SIRT1: variants seen among roughly 807,000 people sequenced by gnomAD.
SIRT1 encodes the protein NAD-dependent protein deacetylase sirtuin-1.
Under a neutral mutation model 67.9 loss-of-function variants are expected in SIRT1, and 24 were observed. The observed-to-expected ratio is 0.35, with a 90% CI of 0.26 to 0.50. SIRT1 has a LOEUF of 0.50. Ranked by LOEUF, SIRT1 falls within the 20% of genes least tolerant of loss-of-function variation. The pLI is 0.98. For missense variants in SIRT1, 873 were observed against 937.2 expected (o/e 0.93, Z 0.89); for synonymous variants, 378 against 350.7 (o/e 1.08, Z -0.87).
chr10:67,911,227 G>T (rs1842894196), intron 7 of SIRT1, among the ~76,000 whole-genome samples: 1 of 152,176 alleles, frequency 6.6e-6, no homozygotes, highest in Non-Finnish European at 1.5e-5. Context: ...CGGGTGTCTT[G>T]CTGTAGCTCA....
At chr10:67,903,385 ATAGT>A (rs1398853856) in intron 4 of SIRT1, among the ~76,000 whole-genome samples, 1 of 113,328 alleles carries the variant, frequency 8.8e-6, no homozygotes, top group Non-Finnish European at 1.9e-5. Flanking sequence ...ATTTCTGCAG[ATAGT>A]TCTTTTTTTT....
intron 6 of SIRT1, among the ~76,000 whole-genome samples, chr10:67,908,395 T>A (rs1842851624): frequency 6.6e-6 from 1 of 152,204 alleles, no homozygotes; most frequent in Non-Finnish European, 1.5e-5. Context: ...AAGTTGTTGT[T>A]GTAGTAGTTT....
chr10:67,890,724 C>T (rs1441388523), intron 3 of SIRT1, among the ~76,000 whole-genome samples: 1 of 151,254 alleles, frequency 6.6e-6, no homozygotes, highest in Non-Finnish European at 1.5e-5. Flanking sequence ...CAGAGCGAAA[C>T]TGTCTAAAAA....
Position 67,885,148 on chromosome 10 carries a change from C to G in SIRT1, c.427C>G (p.Arg143Gly). The change falls in exon 1 of 9, where the codon CGA becomes GGA. Residue 143 changes from arginine to glycine, a missense_variant. Coordinates refer to ENST00000212015, the MANE Select transcript of SIRT1 (RefSeq NM_012238.5). ...GGCGGCGGCGGCGGCGATTGGGTAC[C>G]GAGGTGCGCAGGGTGCGGGCGGCCG... ...EEAAAAAIGY[R>G]DNLLFGDEII... 1 of 1,405,090 alleles carries G rather than the reference C, an allele frequency of 7.1e-7. No homozygotes were observed. The highest frequency in any genetic ancestry group is 9.3e-7 in the Non-Finnish European group (1 of 1,071,890). 87.0% of individuals were successfully genotyped at this position (1,405,090 alleles called of 1,614,324 possible). A position where few individuals can be genotyped will look rare whatever the true frequency, so the allele number is the denominator to read the frequency against.
chr10:67,905,798 G>A (rs901204314), intron 4 of SIRT1, among the ~76,000 whole-genome samples: 1 of 152,092 alleles, frequency 6.6e-6, no homozygotes, highest in Admixed American at 6.5e-5. Flanking sequence ...CTTTTTTCAC[G>A]TATGTCATGA....
rs199595233 is a variant in SIRT1 at position 67,917,286 on chromosome 10, T to C, written c.*693T>C. 3 of 152,774 alleles carry C rather than the reference T, an allele frequency of 2.0e-5. No homozygotes were observed. The South Asian group carries it at 6.2e-4, about 32-fold the overall frequency. The allele number at this position is 152,774 out of a possible 1,614,324, so 9.5% of individuals were successfully genotyped here. On this transcript the variant is annotated 3_prime_UTR_variant, in exon 9 of 9. Coordinates refer to ENST00000212015, the MANE Select transcript of SIRT1 (RefSeq NM_012238.5). ...GTTCAAATGAAGATGGCTTTTGTACTTCCTGTGGACATGTAGCAATGTCTA... is the reference window on the plus strand; with the variant it reads ...GTTCAAATGAAGATGGCTTTTGTACCTCCTGTGGACATGTAGCAATGTCTA...
chr10:67,913,561 G>A (rs181556252), intron 8 of SIRT1, among the ~76,000 whole-genome samples: 26 of 152,206 alleles, frequency 1.7e-4, no homozygotes, highest in South Asian at 6.2e-4. Context: ...GAAAAAACAC[G>A]CGTGATTCTT....
chr10:67,897,016 C>T (rs1363959237), intron 4 of SIRT1, among the ~76,000 whole-genome samples: 2 of 151,800 alleles, frequency 1.3e-5, no homozygotes, highest in African/African-American at 2.4e-5. Context: ...AATAGCCAGA[C>T]GTGGTGGTGC....
At chr10:67,890,384 ATTG>A (rs1468356131) in intron 3 of SIRT1, among the ~76,000 whole-genome samples, 6 of 152,052 alleles carry the variant, frequency 3.9e-5, no homozygotes, top group Middle Eastern at 3.4e-3. Context: ...AAAATAGAGA[ATTG>A]TTGTAGTATT....
intron 4 of SIRT1, among the ~76,000 whole-genome samples, chr10:67,892,387 A>G (rs1006212349): frequency 6.6e-6 from 1 of 152,090 alleles, no homozygotes; most frequent in African/African-American, 2.4e-5. Flanking sequence ...CCTGAGCAAC[A>G]TAATGAGACT....
At chr10:67,887,316 G>A (rs1842498781) in intron 1 of SIRT1, 101 bp from the exon 2 acceptor site, 1 of 750,620 alleles carries the variant, frequency 1.3e-6, no homozygotes, top group Non-Finnish European at 2.4e-6. Context: ...CCGTGTAAAT[G>A]TTAAATGCTG....
In SIRT1 at chr10:67,900,944, T is replaced by C. The variant is rs563653022; in HGVS notation, c.943-5846T>C. ...ATATAATAGTTGTACGTGTACATTA[T>C]ATATTCTTGAAGAGTTAGGCTTATT... On this transcript the variant is annotated intron_variant, in intron 4 of 8. Transcript: ENST00000212015. Among the ~76,000 whole-genome samples, 4 of 152,334 alleles carry C rather than the reference T, an allele frequency of 2.6e-5. No individual in the cohort carries two copies. In the East Asian group the frequency reaches 5.8e-4, roughly 22 times the overall value.
intron 4 of SIRT1, among the ~76,000 whole-genome samples, chr10:67,902,992 G>A (rs1243150080): frequency 6.6e-6 from 1 of 152,180 alleles, no homozygotes; most frequent in Non-Finnish European, 1.5e-5. Flanking sequence ...TTGGGAGGCT[G>A]AGGTGGGAGA....
At chr10:67,916,233 C>A in intron 8 of SIRT1, 32 bp from the exon 9 acceptor site, 1 of 1,564,330 alleles carries the variant, frequency 6.4e-7, no homozygotes, top group Admixed American at 1.8e-5. Flanking sequence ...TGTTAGAAAA[C>A]TGAAAGTAAC....
At chr10:67,897,155 CA>C (rs1221154308) in intron 4 of SIRT1, among the ~76,000 whole-genome samples, 8 of 145,234 alleles carry the variant, frequency 5.5e-5, no homozygotes, top group Admixed American at 2.8e-4. Flanking sequence ...GACTCCATCT[CA>C]AAAAAAAAAG....
At chr10:67,896,097 T>C (rs563478203) in intron 4 of SIRT1, among the ~76,000 whole-genome samples, 4 of 152,124 alleles carry the variant, frequency 2.6e-5, no homozygotes, top group Non-Finnish European at 5.9e-5. Flanking sequence ...AAGGAAGTTA[T>C]TGCTCTGTTA....
intron 4 of SIRT1, among the ~76,000 whole-genome samples, chr10:67,904,901 G>A (rs1240510311): frequency 1.3e-5 from 2 of 150,518 alleles, no homozygotes; most frequent in Admixed American, 1.3e-4. Context: ...CTTATGATTT[G>A]TCTTAAAGGT....
chr10:67,885,711 G>T (rs1409468262), intron 1 of SIRT1, among the ~76,000 whole-genome samples: 1 of 152,076 alleles, frequency 6.6e-6, no homozygotes, highest in Non-Finnish European at 1.5e-5. Flanking sequence ...TTTAAAGAAC[G>T]TGGCTGTTCC....
chr10:67,901,072 C>T (rs953263617), intron 4 of SIRT1, among the ~76,000 whole-genome samples: 4 of 151,992 alleles, frequency 2.6e-5, no homozygotes, highest in Non-Finnish European at 5.9e-5. Flanking sequence ...GGTGCTTATC[C>T]TAAAAGAAAA....
Sources: allele counts gnomAD v4.1 joint callset (sites outside exome capture counted in the v4.1 genomes callset), GRCh38; gene constraint gnomAD v4.1.1; transcripts MANE v1.5; gene names NCBI Gene and HGNC (gene_info 2026-07-23, HGNC 2026-07-21).